Variants in GOLGB1 observed in about 807,000 individuals in gnomAD.
The protein encoded by GOLGB1 is golgin subfamily B member 1.
In GOLGB1, 174 loss-of-function variants were observed where a neutral mutation model predicts 336.9. The ratio of observed to expected loss-of-function variants is 0.52; its 90% CI spans 0.46 to 0.59. The LOEUF is 0.59. Among genes scored for constraint, GOLGB1 ranks in the 20% least tolerant of loss-of-function variants. The pLI is 0.00. For synonymous variants in GOLGB1, 1,208 were observed against 1,289.2 expected, an observed-to-expected ratio of 0.94 and a Z score of 1.35; for missense variants, 3,331 against 3,645.3, an observed-to-expected ratio of 0.91 and a Z score of 2.22.
chr3:121,710,103 G>GAAAA (rs4048702), intron 10 of GOLGB1, among the ~76,000 whole-genome samples: 2 of 131,266 alleles, frequency 1.5e-5, no homozygotes, highest in South Asian at 2.4e-4. Flanking sequence ...GCACCGGGTG[G>GAAAA]AAAAAAAAAA....
Position 121,696,250 on chromosome 3 carries a change from C to G in GOLGB1, c.4273G>C (p.Ala1425Pro). 6.2e-7 allele frequency: 1 copy of G among 1,613,926 alleles called. No individual in the cohort carries two copies. Among genetic ancestry groups the G allele is most frequent in the Non-Finnish European group, 8.5e-7 (1 of 1,179,842 alleles). Residue 1425 changes from alanine (A) to proline (P), a missense_variant, in exon 13 of 22, where the codon GCA (alanine) becomes CCA (proline). Physicochemically the swap from Ala to Pro is conservative, Grantham distance 27. Transcript: ENST00000614479. ...YLSGQLSEKE[A>P]ALTKIQTEII... ...TCTGTCTGTATTTTAGTGAGAGCTG[C>G]TTCTTTCTCACTAAGTTGTCCAGAA...
chr3:121,692,227 A>G lies in GOLGB1; in HGVS notation c.7137T>C (p.His2379=). ...TTTGCTCTTTCATATTTATTTCTTCATGCAGCCTACTGGTCAGTTCTCTGG... is the reference window on the plus strand; with the variant it reads ...TTTGCTCTTTCATATTTATTTCTTCGTGCAGCCTACTGGTCAGTTCTCTGG... The part of the protein sequence containing the change: ...QASRELTSRL[H]EEINMKEQKI... Residue 2379 remains histidine (H), a synonymous_variant, in exon 14 of 22, where the codon CAT becomes CAC. Coordinates refer to ENST00000614479, the MANE Select transcript of GOLGB1 (RefSeq NM_001366282.2). The G allele has an allele frequency of 6.3e-7, 1 of 1,597,926 alleles. No homozygotes were observed. Among genetic ancestry groups the G allele is most frequent in the Admixed American group, 1.8e-5 (1 of 55,824 alleles).
intron 14 of GOLGB1, among the ~76,000 whole-genome samples, chr3:121,687,932 A>C (rs1004149243): frequency 6.6e-6 from 1 of 152,234 alleles, no homozygotes; most frequent in Non-Finnish European, 1.5e-5. Flanking sequence ...GCTAAACTCA[A>C]ATTATTTAAA....
At chr3:121,733,816 T>C (rs1946289226) in intron 1 of GOLGB1, among the ~76,000 whole-genome samples, 1 of 152,160 alleles carries the variant, frequency 6.6e-6, no homozygotes, top group African/African-American at 2.4e-5. Context: ...GGACAATCTT[T>C]TCAATAAATG....
Position 121,677,004 on chromosome 3 carries a change from TG to T in GOLGB1, c.9065del (p.Pro3022GlnfsTer22). The T allele has an allele frequency of 6.2e-7, 1 of 1,613,972 alleles. No individual in the cohort carries two copies. Among genetic ancestry groups the T allele is most frequent in the Non-Finnish European group, 8.5e-7 (1 of 1,179,852 alleles). ...CATAAACCAGATTTTGTGACCCATC[TG>T]GGGAAGCTGATGTCTCTGGGGATGC... The part of the protein sequence containing the change: ...RQASPETSAS[P>X]DGSQNLVYET... On this transcript the variant is annotated frameshift_variant, in exon 17 of 22. Transcript: ENST00000614479. LOFTEE classifies it high-confidence loss of function.
chr3:121,714,009 T>G (rs1410306387), intron 10 of GOLGB1, among the ~76,000 whole-genome samples: 1 of 152,232 alleles, frequency 6.6e-6, no homozygotes, highest in Non-Finnish European at 1.5e-5. Flanking sequence ...AGATGTTCGC[T>G]ACAAAACTCT....
chr3:121,699,948 G>T, intron 11 of GOLGB1, 63 bp from the exon 12 acceptor site: 2 of 896,438 alleles, frequency 2.2e-6, no homozygotes, highest in Non-Finnish European at 3.5e-6. Flanking sequence ...AAACAGGATT[G>T]CATGTGAAGC....
At chr3:121,727,320 A>ATATATAT (rs1365310516) in intron 4 of GOLGB1, among the ~76,000 whole-genome samples, 1 of 28,636 alleles carries the variant, frequency 3.5e-5, no homozygotes, top group African/African-American at 1.3e-4. Flanking sequence ...ATATATATAT[A>ATATATAT]TTTTTTTTTT....
At chr3:121,668,421 T>C (rs1576250657) in intron 18 of GOLGB1, 1 of 232,566 alleles carries the variant, frequency 4.3e-6, no homozygotes, top group East Asian at 1.2e-4. Flanking sequence ...AAGCCTGTAA[T>C]CCCAGCACTT....
intron 8 of GOLGB1, among the ~76,000 whole-genome samples, chr3:121,717,787 G>C (rs1039646330): frequency 2.0e-5 from 3 of 152,182 alleles, no homozygotes; most frequent in Admixed American, 6.5e-5. Context: ...TACAGGTCAA[G>C]TATCCCTTAT....
At chr3:121,676,624 A>AG (rs1198295221) in intron 17 of GOLGB1, among the ~76,000 whole-genome samples, 1 of 152,176 alleles carries the variant, frequency 6.6e-6, no homozygotes, top group Non-Finnish European at 1.5e-5. Context: ...GATACAGGTC[A>AG]GGGGGAAGGC....
At chr3:121,676,550 T>C (rs1456842608) in intron 17 of GOLGB1, among the ~76,000 whole-genome samples, 1 of 152,212 alleles carries the variant, frequency 6.6e-6, no homozygotes, top group Non-Finnish European at 1.5e-5. Flanking sequence ...GAATAGTCAG[T>C]GAACAACAGG....
rs1327300060 is a variant in GOLGB1 at position 121,695,719 on chromosome 3, TAGA to T, written c.4801_4803del (p.Ser1601del). 1.2e-6 allele frequency: 2 copies of T among 1,611,470 alleles called. No homozygotes were observed. Among genetic ancestry groups the T allele is most frequent in the Middle Eastern group, 1.6e-4 (1 of 6,084 alleles). On this transcript the variant is annotated inframe_deletion, in exon 13 of 22. Coordinates refer to ENST00000614479, the MANE Select transcript of GOLGB1 (RefSeq NM_001366282.2). ...TGCCACTCAGTACTTTCTGCAATCTTAGAAGATTTCAAAGATTCAATTTCCTTC... is the reference window on the plus strand; with the variant it reads ...TGCCACTCAGTACTTTCTGCAATCTTAGATTTCAAAGATTCAATTTCCTTC...
chr3:121,673,162 C>T lies in GOLGB1; in HGVS notation c.9177+3731G>A, dbSNP rs138528842. ...TCGGCTCACTGTAACTTCCACCTCC[C>T]GGGTTCAAGCAATTCTCTGCCTCAG... On this transcript the variant is annotated intron_variant, in intron 17 of 21. Coordinates refer to ENST00000614479, the MANE Select transcript of GOLGB1 (RefSeq NM_001366282.2). Among the ~76,000 whole-genome samples the T allele has an allele frequency of 4.2e-3, 632 of 152,046 alleles. 5 individuals carry two copies. The highest frequency in any genetic ancestry group is 0.014 in the African/African-American group (588 of 41,470).
chr3:121,712,776 G>C (rs1378279355), intron 10 of GOLGB1, among the ~76,000 whole-genome samples: 1 of 152,146 alleles, frequency 6.6e-6, no homozygotes, highest in African/African-American at 2.4e-5. Flanking sequence ...ATACCCATTA[G>C]AATGGCTAAA....
intron 17 of GOLGB1, among the ~76,000 whole-genome samples, chr3:121,670,816 T>G (rs902639537): frequency 1.3e-5 from 2 of 150,026 alleles, no homozygotes; most frequent in Non-Finnish European, 3.0e-5. Flanking sequence ...ATTTGGGAAG[T>G]GATACTAATT....
At chr3:121,677,171 G>A (rs991118774) in intron 16 of GOLGB1, 114 bp downstream of exon 16, 1 of 1,216,944 alleles carries the variant, frequency 8.2e-7, no homozygotes, top group Admixed American at 2.1e-5. Context: ...CACTTAATTT[G>A]TAGGAAGCTG....
chr3:121,729,068 A>C (rs563922641), intron 4 of GOLGB1, 120 bp downstream of exon 4: 95 of 661,894 alleles, frequency 1.4e-4, no homozygotes, highest in East Asian at 1.2e-3. Context: ...AAAAAAAAAA[A>C]CAAAACATTA....
chr3:121,690,949 C>G lies in GOLGB1; in HGVS notation c.8415G>C (p.Leu2805Phe), dbSNP rs1246527545. Residue 2805 changes from leucine to phenylalanine, a missense_variant, in exon 14 of 22, where the codon TTG becomes TTC. Coordinates refer to ENST00000614479, the MANE Select transcript of GOLGB1 (RefSeq NM_001366282.2). ...FSMNSTEENS[L>F]SHLEKLNQQL... ...GTTGGTTAAGTTTCTCAAGGTGAGA[C>G]AAGCTATTCTCCTCAGTGGAGTTCA... The G allele has an allele frequency of 3.1e-6, 5 of 1,614,196 alleles. No individual in the cohort carries two copies. The Admixed American group carries it at 6.7e-5, about 22-fold the overall frequency.
Sources: allele counts gnomAD v4.1 joint callset (sites outside exome capture counted in the v4.1 genomes callset), GRCh38; gene constraint gnomAD v4.1.1; transcripts MANE v1.5; gene names NCBI Gene and HGNC (gene_info 2026-07-23, HGNC 2026-07-21).